The following F8 variants were observed in gnomAD, a reference collection of about 807,000 sequenced individuals.
The protein encoded by F8 is coagulation factor VIII.
A neutral mutation model predicts 140.6 loss-of-function variants in F8; 12 were observed. The ratio of observed to expected loss-of-function variants is 0.09; its 90% confidence interval spans 0.05 to 0.14. The LOEUF (loss-of-function observed/expected upper bound fraction) is 0.14. Among genes scored for constraint, F8 ranks in the 10% least tolerant of loss-of-function variants. The pLI is 1.00. For missense variants in F8, 1,354 were observed against 1,720.7 expected, an observed-to-expected ratio of 0.79 and a Z score of 3.77; for synonymous variants, 585 against 614.6, an observed-to-expected ratio of 0.95 and a Z score of 0.71.
intron 14 of F8, among the ~76,000 whole-genome samples, chrX:154,914,905 C>T (rs1557276980): frequency 9.0e-6 from 1 of 111,568 alleles, no homozygotes; most frequent in Non-Finnish European, 1.9e-5. Context: ...ATAGCAGTGC[C>T]CCCCCTACCT....
chrX:154,987,211 C>T, intron 5 of F8, 26 bp downstream of exon 5: 6 of 1,160,595 alleles, frequency 5.2e-6, no homozygotes, highest in Non-Finnish European at 5.9e-6. Context: ...TTCAGGAATC[C>T]AAAATTCAGA....
chrX:154,893,140 CGACCTGGAA>C (rs2072956475), intron 22 of F8, among the ~76,000 whole-genome samples: 1 of 112,035 alleles, frequency 8.9e-6, no homozygotes. Context: ...AATCTACCTA[CGACCTGGAA>C]GCCCCGCCTC....
intron 14 of F8, among the ~76,000 whole-genome samples, chrX:154,927,026 A>C (rs370901528): frequency 2.6e-4 from 29 of 111,739 alleles, no homozygotes; most frequent in African/African-American, 9.1e-4. Flanking sequence ...AGAAAAGTGA[A>C]GAAAAGTGGT....
At chrX:155,002,787 C>G (rs1159486927) in intron 1 of F8, among the ~76,000 whole-genome samples, 2 of 111,893 alleles carry the variant, frequency 1.8e-5, no homozygotes, top group African/African-American at 6.5e-5. Flanking sequence ...AGAGAAACTG[C>G]CCTATTGTAC....
chrX:154,899,085 ATGT>A (rs2072997069), intron 21 of F8, among the ~76,000 whole-genome samples: 1 of 112,841 alleles, frequency 8.9e-6, no homozygotes, highest in Non-Finnish European at 1.9e-5. Flanking sequence ...AGAACATAAC[ATGT>A]TGTTTGGCAG....
At position 155,018,909 on chromosome X, in the gene F8, G is replaced by T. The variant is rs189200345; in HGVS notation, c.143+3501C>A. Among the ~76,000 whole-genome samples, 30 of 112,157 alleles carry T rather than the reference G, an allele frequency of 2.7e-4. No individual in the cohort carries two copies. The East Asian group carries it at 7.5e-3, about 28-fold the overall frequency. On this transcript the variant is annotated intron_variant, in intron 1 of 25. Transcript: ENST00000360256. ...TAAGCTATTCTAAGCAATAGAAAAA[G>T]ATGGAGTACTCATCAATTCATTTGA...
At chrX:154,917,728 CA>C (rs1317335004) in intron 14 of F8, among the ~76,000 whole-genome samples, 1 of 111,071 alleles carries the variant, frequency 9.0e-6, no homozygotes, top group Non-Finnish European at 1.9e-5. Flanking sequence ...CTTTCCAGTG[CA>C]TTTTTTTTTT....
chrX:154,900,104 T>A (rs2073002242), intron 20 of F8, among the ~76,000 whole-genome samples, 153 bp from the exon 21 acceptor site: 1 of 112,515 alleles, frequency 8.9e-6, no homozygotes, highest in African/African-American at 3.2e-5. Context: ...TCAATTACTA[T>A]CTAAGGATAT....
At chrX:154,855,256 G>A (rs782118626) in intron 25 of F8, among the ~76,000 whole-genome samples, 1 of 111,846 alleles carries the variant, frequency 8.9e-6, no homozygotes, top group Non-Finnish European at 1.9e-5. Flanking sequence ...GGGATTAGTC[G>A]GTTGCTCCTA....
rs1486794483 is a variant in F8, at chrX:154,836,926, T to A, written c.*671A>T. On this transcript the variant is annotated 3_prime_UTR_variant, in exon 26 of 26. Transcript: ENST00000360256. ...TATATAATTTCAGGGGACTTAGGGA[T>A]TCTTGAACCCCATCTATAATTCTCA... 1 of 112,658 alleles carries A rather than the reference T, an allele frequency of 8.9e-6. No homozygotes were observed. The highest frequency in any genetic ancestry group is 1.9e-5 in the Non-Finnish European group (1 of 53,653). The allele number at this position is 112,658 out of a possible 1,213,427, so 9.3% of individuals were successfully genotyped here. A position where few individuals can be genotyped will look rare whatever the true frequency, so the allele number is the denominator to read the frequency against.
chrX:154,907,270 CT>C (rs2073043486), intron 14 of F8, among the ~76,000 whole-genome samples: 1 of 112,150 alleles, frequency 8.9e-6, no homozygotes, highest in Non-Finnish European at 1.9e-5. Context: ...ACTTAGCATT[CT>C]GGTTGTGAGA....
chrX:154,864,390 A>C (rs1266512006), intron 22 of F8, among the ~76,000 whole-genome samples: 1 of 112,781 alleles, frequency 8.9e-6, no homozygotes, highest in South Asian at 3.6e-4. Context: ...CAATGCACAG[A>C]TACCAATGCT....
At chrX:154,957,267 T>C (rs2073370023) in intron 10 of F8, 96 bp from the exon 11 acceptor site, 3 of 687,089 alleles carry the variant, frequency 4.4e-6, no homozygotes, top group East Asian at 3.2e-5. Context: ...CAAATCTGTA[T>C]GTACATATGA....
intron 1 of F8, among the ~76,000 whole-genome samples, chrX:155,010,166 C>A (rs189689935): frequency 3.6e-5 from 4 of 112,410 alleles, no homozygotes; most frequent in South Asian, 3.6e-4. Flanking sequence ...GTCTCACTTT[C>A]AGGCAAATCT....
intron 22 of F8, among the ~76,000 whole-genome samples, chrX:154,866,885 AC>A (rs58359335): frequency 0.12 from 12,956 of 111,227 alleles, 686 homozygotes; most frequent in South Asian, 0.34. Context: ...GAATAAAAAA[AC>A]AATTGGAAAT....
At chrX:155,013,819 G>A (rs1194461603) in intron 1 of F8, among the ~76,000 whole-genome samples, 1 of 111,578 alleles carries the variant, frequency 9.0e-6, no homozygotes, top group Non-Finnish European at 1.9e-5. Context: ...CTTCCCAGCT[G>A]GTAGATGGCT....
chrX:154,931,393 A>C lies in F8; in HGVS notation c.2397T>G (p.Pro799=). Residue 799 remains proline (P), a synonymous_variant, in exon 14 of 26, where the codon CCT becomes CCG. Coordinates refer to ENST00000360256, the MANE Select transcript of F8 (RefSeq NM_000132.4). ...CACTAGAGGAGACATTTTGTATTTT[A>C]GGCATAGGTGTTCTGTGTGCAAACC... is the stretch of plus-strand genomic sequence containing the variant. The part of the protein sequence containing the change: ...DPWFAHRTPM[P]KIQNVSSSDL... 1 of 1,211,104 alleles carries C rather than the reference A, an allele frequency of 8.3e-7. No individual in the cohort carries two copies. Among genetic ancestry groups the C allele is most frequent in the Non-Finnish European group, 1.1e-6 (1 of 894,822 alleles).
At chrX:154,989,214 T>C (rs1351449557) in intron 4 of F8, among the ~76,000 whole-genome samples, 3 of 111,813 alleles carry the variant, frequency 2.7e-5, no homozygotes, top group Non-Finnish European at 5.6e-5. Context: ...TATAAAGCTG[T>C]CTTAAAACAT....
Position 154,929,641 on chromosome X carries a change from G to A in F8, c.4149C>T (p.Ala1383=). The change falls in exon 14 of 26, where the codon GCC becomes GCT. Residue 1383 remains alanine (A), a synonymous_variant. Transcript: ENST00000360256. The part of the protein sequence containing the change: ...QIDYNEKEKG[A]ITQSPLSDCL... ...AATCTGATAAGGGAGACTGAGTAAT[G>A]GCCCCTTTCTCCTTCTCATTGTAGT... The A allele has an allele frequency of 8.3e-7, 1 of 1,209,935 alleles. No individual in the cohort carries two copies.
Sources: gnomAD v4.1 joint callset for allele counts (sites outside exome capture counted in the v4.1 genomes callset) on GRCh38, gnomAD v4.1.1 for gene constraint, MANE v1.5 for transcripts, NCBI Gene and HGNC (gene_info 2026-07-23, HGNC 2026-07-21) for gene names.